Variants in ZNF563 observed in about 807,000 individuals in gnomAD.
ZNF563 encodes the protein zinc finger protein 563.
ZNF563 carries 39 observed loss-of-function variants against 48.5 expected under a neutral mutation model. The observed-to-expected ratio is 0.80, with a 90% CI of 0.62 to 1.05. ZNF563 has a LOEUF of 1.05. Ranked by LOEUF, ZNF563 falls within the 50% of genes least tolerant of loss-of-function variation. The pLI, the probability that ZNF563 is intolerant of heterozygous loss-of-function variation, is 0.00. For missense variants in ZNF563, 538 were observed against 597.0 expected, an observed-to-expected ratio of 0.90 and a Z score of 1.03; for synonymous variants, 168 against 187.9, an observed-to-expected ratio of 0.89 and a Z score of 0.87.
chr19:12,331,137 T>C (rs1301088625), intron 1 of ZNF563, among the ~76,000 whole-genome samples: 1 of 152,244 alleles, frequency 6.6e-6, no homozygotes, highest in African/African-American at 2.4e-5. Context: ...CTTGTCCCTT[T>C]AGAAACATCT....
At position 12,318,792 on chromosome 19, in the gene ZNF563, G is replaced by A. The variant is rs775761108; in HGVS notation, c.1233C>T (p.His411=). The A allele has an allele frequency of 2.1e-5, 34 of 1,605,196 alleles. No individual in the cohort carries two copies. The highest frequency in any genetic ancestry group is 1.4e-4 in the East Asian group (6 of 44,306). Residue 411 remains histidine (H), a synonymous_variant, in exon 4 of 4, where the codon CAC becomes CAT. Coordinates refer to ENST00000293725, the MANE Select transcript of ZNF563 (RefSeq NM_145276.3). The part of the protein sequence containing the change: ...AFVYPSVCQR[H]EKSHSGEKPY... The stretch of plus-strand genomic sequence containing the variant: ...GTTTCTCTCCACTGTGAGACTTTTC[G>A]TGTCTTTGACATACACTAGGATAAA...
At chr19:12,346,745 A>C in the ZNF563 span, 14 of 152,258 alleles carry the variant, frequency 9.2e-5, no homozygotes, top group African/African-American at 3.4e-4. Context: ...TTAACCATAC[A>C]GTGGAAATTT....
the ZNF563 span, among the ~76,000 whole-genome samples, chr19:12,343,912 A>G: frequency 6.6e-6 from 1 of 151,522 alleles, no homozygotes; most frequent in Non-Finnish European, 1.5e-5. Flanking sequence ...TTGTATTTTT[A>G]GTAGAGATGG....
At chr19:12,323,377 A>G (rs1486987562) in intron 1 of ZNF563, among the ~76,000 whole-genome samples, 1 of 152,226 alleles carries the variant, frequency 6.6e-6, no homozygotes, top group Non-Finnish European at 1.5e-5. Context: ...TGAAAAGGTG[A>G]TTGAGTCTTG....
chr19:12,325,483 A>AG, intron 1 of ZNF563, among the ~76,000 whole-genome samples: 1 of 152,052 alleles, frequency 6.6e-6, no homozygotes, highest in East Asian at 1.9e-4. Flanking sequence ...AAAAAAAAAA[A>AG]AAAAGACATA....
the ZNF563 span, among the ~76,000 whole-genome samples, chr19:12,344,752 A>C: frequency 3.3e-5 from 5 of 152,192 alleles, no homozygotes; most frequent in Admixed American, 6.5e-5. Flanking sequence ...AAGGAATCCA[A>C]ATTGGAGAGA....
intron 1 of ZNF563, among the ~76,000 whole-genome samples, chr19:12,323,181 T>G (rs1968680097): frequency 1.3e-5 from 2 of 152,236 alleles, no homozygotes; most frequent in Admixed American, 1.3e-4. Context: ...AGAGCTCGAT[T>G]GTATCTAAAC....
rs754288591 is a variant in ZNF563, at chr19:12,319,814, ATCTC to A, written c.207_210del (p.Glu69AspfsTer23). 2 of 1,612,856 alleles carry A rather than the reference ATCTC, an allele frequency of 1.2e-6. No individual in the cohort carries two copies. ...TGACTACTGTCTTTACTTTCACTGA[ATCTC>A]TCTACCATATGACATCTGTAAAAAA... On this transcript the variant is annotated frameshift_variant, in exon 4 of 4. Coordinates refer to ENST00000293725, the MANE Select transcript of ZNF563 (RefSeq NM_145276.3). LOFTEE classifies it high-confidence loss of function.
chr19:12,318,525 G>T lies in ZNF563; in HGVS notation c.*69C>A. 1 of 1,485,630 alleles carries T rather than the reference G, an allele frequency of 6.7e-7. No individual in the cohort carries two copies. The highest frequency in any genetic ancestry group is 9.1e-7 in the Non-Finnish European group (1 of 1,096,468). The allele number at this position is 1,485,630 out of a possible 1,614,324, so 92.0% of individuals were successfully genotyped here. A position where few individuals can be genotyped will look rare whatever the true frequency, so the allele number is the denominator to read the frequency against. On this transcript the variant is annotated 3_prime_UTR_variant, in exon 4 of 4. Coordinates refer to ENST00000293725, the MANE Select transcript of ZNF563 (RefSeq NM_145276.3). Reference sequence around the variant, plus strand: ...CCACATTTACATTTATAGGGTTTCTGTCCAGTGTAAGTTTATTCATGATAT... The same window carrying T: ...CCACATTTACATTTATAGGGTTTCTTTCCAGTGTAAGTTTATTCATGATAT...
intron 1 of ZNF563, among the ~76,000 whole-genome samples, chr19:12,332,427 T>C (rs1344678258): frequency 6.7e-6 from 1 of 150,240 alleles, no homozygotes; most frequent in Non-Finnish European, 1.5e-5. Context: ...CTCAGTTCAC[T>C]GCAACCTCCG....
chr19:12,326,690 A>T (rs117745617), intron 1 of ZNF563, among the ~76,000 whole-genome samples: 3,952 of 152,128 alleles, frequency 0.026, 54 homozygotes, highest in Non-Finnish European at 0.041. Flanking sequence ...GAATCTACCC[A>T]TTCACAGAAG....
chr19:12,334,379 A>G (rs1010902314), upstream of ZNF563, among the ~76,000 whole-genome samples: 38 of 151,622 alleles, frequency 2.5e-4, no homozygotes, highest in Admixed American at 4.6e-4. Context: ...AGGAGGCTAA[A>G]CATATGCCCA....
intron 1 of ZNF563, among the ~76,000 whole-genome samples, chr19:12,325,348 C>T (rs1261966737): frequency 6.6e-6 from 1 of 151,902 alleles, no homozygotes; most frequent in African/African-American, 2.4e-5. Flanking sequence ...CGCTTGGTGG[C>T]GCATGCCTGT....
At chr19:12,338,212 A>G (rs1013221307), upstream of ZNF563, among the ~76,000 whole-genome samples, 2 of 152,204 alleles carry the variant, frequency 1.3e-5, no homozygotes, top group Non-Finnish European at 1.5e-5. Flanking sequence ...CCTAGACAAC[A>G]GTTTTACTGG....
At chr19:12,328,938 G>A (rs1037553389) in intron 1 of ZNF563, among the ~76,000 whole-genome samples, 3 of 152,020 alleles carry the variant, frequency 2.0e-5, no homozygotes, top group Non-Finnish European at 4.4e-5. Context: ...CACATGAAAT[G>A]CAAATATTAT....
chr19:12,330,052 C>T (rs1968885904), intron 1 of ZNF563, among the ~76,000 whole-genome samples: 1 of 152,052 alleles, frequency 6.6e-6, no homozygotes, highest in African/African-American at 2.4e-5. Flanking sequence ...TCCCGAATAG[C>T]TGGGATTACA....
upstream of ZNF563, chr19:12,333,758 G>A (rs915331090): frequency 2.0e-6 from 1 of 498,928 alleles, no homozygotes; most frequent in Non-Finnish European, 3.6e-6. Flanking sequence ...ATTGGATAGG[G>A]CTCCAGGTCC....
intron 2 of ZNF563, among the ~76,000 whole-genome samples, chr19:12,322,076 G>C (rs2145803635): frequency 6.6e-6 from 1 of 151,404 alleles, no homozygotes; most frequent in East Asian, 1.9e-4. Flanking sequence ...ATTTTTTTGA[G>C]ACAGATTCTC....
chr19:12,318,860 C>T lies in ZNF563; in HGVS notation c.1165G>A (p.Gly389Arg). The T allele has an allele frequency of 6.2e-7, 1 of 1,614,152 alleles. No individual in the cohort carries two copies. Among genetic ancestry groups the T allele is most frequent in the African/African-American group, 1.3e-5 (1 of 75,054 alleles). The change falls in exon 4 of 4, where the codon GGA (glycine) becomes AGA (arginine). Residue 389 changes from glycine (G) to arginine (R), a missense_variant. Coordinates refer to ENST00000293725, the MANE Select transcript of ZNF563 (RefSeq NM_145276.3). ...ATCTTGCATTTATGAGGTCCACCTC[C>T]AGTGTGCATTATCATGTGTCTTCGA... ...SFRRHMIMHTGGGPHKCKICG... is the reference protein window; with the variant it reads ...SFRRHMIMHTRGGPHKCKICG...
Sources: allele counts gnomAD v4.1 joint callset (sites outside exome capture counted in the v4.1 genomes callset), GRCh38; gene constraint gnomAD v4.1.1; transcripts MANE v1.5; gene names NCBI Gene and HGNC (gene_info 2026-07-23, HGNC 2026-07-21).